ASTN2: variants seen among roughly 807,000 people sequenced by gnomAD.
The protein encoded by ASTN2 is astrotactin-2.
A neutral mutation model predicts 139.8 loss-of-function variants in ASTN2; 54 were observed. That is an observed-to-expected ratio of 0.39 (90% CI 0.31 to 0.48). The LOEUF (loss-of-function observed/expected upper bound fraction) is 0.48, where lower values mean the gene tolerates loss of function less well. Among genes scored for constraint, ASTN2 ranks in the 20% least tolerant of loss-of-function variants. The pLI, the probability that ASTN2 is intolerant of heterozygous loss-of-function variation, is 0.95. For synonymous variants in ASTN2, 756 were observed against 719.5 expected, an observed-to-expected ratio of 1.05 and a Z score of -0.81; for missense variants, 1,565 against 1,725.1, an observed-to-expected ratio of 0.91 and a Z score of 1.64.
chr9:116,657,971 T>A, intron 16 of ASTN2, among the ~76,000 whole-genome samples: 1 of 144,600 alleles, frequency 6.9e-6, no homozygotes, highest in South Asian at 2.4e-4. Flanking sequence ...CACTGCAACC[T>A]CCACCTCCTG....
At chr9:116,515,516 G>A (rs62574370) in intron 19 of ASTN2, among the ~76,000 whole-genome samples, 1 of 152,196 alleles carries the variant, frequency 6.6e-6, no homozygotes, top group African/African-American at 2.4e-5. Context: ...ACTGTCCTGA[G>A]GAAGGAGCCA....
intron 10 of ASTN2, among the ~76,000 whole-genome samples, chr9:116,973,257 A>T (rs927328824): frequency 1.3e-5 from 2 of 152,214 alleles, no homozygotes; most frequent in African/African-American, 2.4e-5. Context: ...ATGTAATAAT[A>T]TTAGTGAAGT....
intron 4 of ASTN2, among the ~76,000 whole-genome samples, chr9:117,113,458 C>A (rs2132792687): frequency 6.6e-6 from 1 of 152,140 alleles, no homozygotes; most frequent in East Asian, 1.9e-4. Flanking sequence ...AAGTTCAAGA[C>A]CAGCCTGGTC....
chr9:117,239,079 A>G (rs965649615), intron 2 of ASTN2, among the ~76,000 whole-genome samples: 4 of 152,184 alleles, frequency 2.6e-5, no homozygotes, highest in African/African-American at 9.6e-5. Flanking sequence ...TGCCTTGTCC[A>G]AGGTCACACA....
chr9:117,199,482 T>G (rs1181351333), intron 3 of ASTN2, among the ~76,000 whole-genome samples: 1 of 152,178 alleles, frequency 6.6e-6, no homozygotes, highest in Admixed American at 6.5e-5. Context: ...TTGGTCTATA[T>G]GTCTGTTTTG....
intron 2 of ASTN2, among the ~76,000 whole-genome samples, chr9:117,254,993 T>C (rs565683066): frequency 1.6e-4 from 25 of 152,356 alleles, no homozygotes; most frequent in Non-Finnish European, 3.4e-4. Flanking sequence ...TTCCAGTTAG[T>C]TGCAGCGAAG....
chr9:116,543,355 C>A (rs1257457799), intron 19 of ASTN2, among the ~76,000 whole-genome samples: 2 of 151,242 alleles, frequency 1.3e-5, no homozygotes, highest in Non-Finnish European at 2.9e-5. Flanking sequence ...GAGGATCACC[C>A]AAGCCTAGGG....
At chr9:116,776,032 G>A (rs1193078099) in intron 13 of ASTN2, among the ~76,000 whole-genome samples, 1 of 152,138 alleles carries the variant, frequency 6.6e-6, no homozygotes, top group East Asian at 1.9e-4. Flanking sequence ...CCCACTGAAG[G>A]GAGACTGGGT....
At chr9:117,101,575 G>A (rs1178365045) in intron 4 of ASTN2, among the ~76,000 whole-genome samples, 1 of 152,136 alleles carries the variant, frequency 6.6e-6, no homozygotes, top group Non-Finnish European at 1.5e-5. Context: ...ATGCCACGGT[G>A]TGATAAGTAC....
At chr9:116,782,505 T>G (rs1830245858) in intron 13 of ASTN2, among the ~76,000 whole-genome samples, 1 of 152,212 alleles carries the variant, frequency 6.6e-6, no homozygotes. Flanking sequence ...TTTATAAACT[T>G]CTATTATCCT....
intron 6 of ASTN2, among the ~76,000 whole-genome samples, chr9:117,037,999 A>T (rs894352369): frequency 4.6e-5 from 7 of 152,202 alleles, no homozygotes; most frequent in Non-Finnish European, 8.8e-5. Flanking sequence ...CATAGGTCTG[A>T]AAATCAACTG....
chr9:117,343,406 A>G (rs954167243), intron 1 of ASTN2, among the ~76,000 whole-genome samples: 2 of 152,236 alleles, frequency 1.3e-5, no homozygotes, highest in African/African-American at 2.4e-5. Context: ...GGATTCCTAC[A>G]GTGCATGAAC....
intron 2 of ASTN2, among the ~76,000 whole-genome samples, chr9:117,258,277 CAGAG>C (rs1217395227): frequency 1.1e-4 from 17 of 152,300 alleles, no homozygotes; most frequent in African/African-American, 4.1e-4. Flanking sequence ...TAATCAGACT[CAGAG>C]AGTCTCTGCG....
intron 11 of ASTN2, among the ~76,000 whole-genome samples, chr9:116,836,711 G>A (rs1471026090): frequency 6.6e-6 from 1 of 152,036 alleles, no homozygotes; most frequent in Non-Finnish European, 1.5e-5. Flanking sequence ...TGACCACCAT[G>A]TCTTTCCTTG....
At chr9:117,064,267 T>C (rs899211915) in intron 5 of ASTN2, among the ~76,000 whole-genome samples, 2 of 152,092 alleles carry the variant, frequency 1.3e-5, no homozygotes, top group African/African-American at 4.8e-5. Flanking sequence ...CAGTGCTTCC[T>C]CCAAGCTGCT....
At chr9:117,328,142 T>C (rs1040368762) in intron 1 of ASTN2, among the ~76,000 whole-genome samples, 1 of 152,182 alleles carries the variant, frequency 6.6e-6, no homozygotes, top group African/African-American at 2.4e-5. Context: ...CCCTGAACAA[T>C]TCCCTTTCTC....
intron 1 of ASTN2, among the ~76,000 whole-genome samples, chr9:117,407,090 G>A (rs995517061): frequency 6.6e-6 from 1 of 152,152 alleles, no homozygotes; most frequent in African/African-American, 2.4e-5. Flanking sequence ...GTGCAGAGGG[G>A]TCAGAAAAGG....
intron 19 of ASTN2, among the ~76,000 whole-genome samples, chr9:116,487,724 C>CGTAT (rs1849385612): frequency 6.6e-6 from 1 of 152,100 alleles, no homozygotes; most frequent in African/African-American, 2.4e-5. Context: ...AACACTAATA[C>CGTAT]CTACCTTTAT....
intron 20 of ASTN2, among the ~76,000 whole-genome samples, chr9:116,486,702 A>G (rs1849349549): frequency 6.6e-6 from 1 of 152,168 alleles, no homozygotes; most frequent in Admixed American, 6.5e-5. Flanking sequence ...CTAGATCTAA[A>G]AACAACACTC....
Sources: allele counts gnomAD v4.1 joint callset (sites outside exome capture counted in the v4.1 genomes callset), GRCh38; gene constraint gnomAD v4.1.1; transcripts MANE v1.5; gene names NCBI Gene and HGNC (gene_info 2026-07-23, HGNC 2026-07-21).